Variants in ANKRD44 observed in about 807,000 individuals in gnomAD.
The protein encoded by ANKRD44 is serine/threonine-protein phosphatase 6 regulatory ankyrin repeat subunit B.
In ANKRD44, 35 loss-of-function variants were observed where a neutral mutation model predicts 116.0. The observed-to-expected ratio is 0.30, with a 90% CI of 0.23 to 0.40. The LOEUF is 0.40. ANKRD44 is among the 10% of genes least tolerant of loss of function. The pLI, the probability that ANKRD44 is intolerant of heterozygous loss-of-function variation, is 1.00. For missense variants in ANKRD44, 1,014 were observed against 1,242.6 expected (o/e 0.82, Z 2.77); for synonymous variants, 435 against 461.8 (o/e 0.94, Z 0.74).
At chr2:197,291,803 C>A (rs1019116354) in intron 1 of ANKRD44, among the ~76,000 whole-genome samples, 1 of 152,128 alleles carries the variant, frequency 6.6e-6, no homozygotes, top group Non-Finnish European at 1.5e-5. Flanking sequence ...AGGTATTTCT[C>A]CAAATGCTAT....
At chr2:197,178,660 T>C (rs1028380825) in intron 2 of ANKRD44, among the ~76,000 whole-genome samples, 11 of 152,218 alleles carry the variant, frequency 7.2e-5, no homozygotes, top group African/African-American at 2.7e-4. Flanking sequence ...GTTTACTTGA[T>C]TGACAAAGGT....
At position 196,986,841 on chromosome 2, in the gene ANKRD44, T is replaced by C. The variant is rs2075842871; in HGVS notation, c.*2750A>G. On this transcript the variant is annotated 3_prime_UTR_variant, in exon 28 of 28. Transcript: ENST00000282272. ...GTCATTCACTGAACTAAAAGTCATT[T>C]TCCCCATTTTTACAGTCATGACATT... is the stretch of plus-strand genomic sequence containing the variant. 1 of 985,342 alleles carries C rather than the reference T, an allele frequency of 1.0e-6. No homozygotes were observed. The highest frequency in any genetic ancestry group is 6.1e-5 in the Admixed American group (1 of 16,272). 61.0% of individuals were successfully genotyped at this position (985,342 alleles called of 1,614,324 possible). A position where few individuals can be genotyped will look rare whatever the true frequency, so the allele number is the denominator to read the frequency against.
chr2:197,204,771 A>G (rs1306889882), intron 1 of ANKRD44, among the ~76,000 whole-genome samples: 2 of 152,258 alleles, frequency 1.3e-5, no homozygotes, highest in Non-Finnish European at 2.9e-5. Context: ...AAGAACAGGA[A>G]TGTTTAGGCT....
chr2:197,050,672 C>A (rs781601023), intron 16 of ANKRD44, among the ~76,000 whole-genome samples: 2 of 152,134 alleles, frequency 1.3e-5, no homozygotes, highest in Non-Finnish European at 2.9e-5. Context: ...ATCCACCCAC[C>A]TTGGCCTCCC....
At chr2:197,292,085 T>C (rs939936259) in intron 1 of ANKRD44, among the ~76,000 whole-genome samples, 7 of 152,250 alleles carry the variant, frequency 4.6e-5, no homozygotes, top group Non-Finnish European at 1.0e-4. Context: ...TGATGGACAT[T>C]TGAATTGGTT....
At chr2:196,970,842 C>T (rs750698486) in intron 21 of ANKRD44, among the ~76,000 whole-genome samples, 2 of 152,154 alleles carry the variant, frequency 1.3e-5, no homozygotes, top group Non-Finnish European at 2.9e-5. Flanking sequence ...GCTGGGACTA[C>T]AGGCATATGC....
At chr2:197,009,323 C>G (rs1050118714) in intron 18 of ANKRD44, among the ~76,000 whole-genome samples, 1 of 151,698 alleles carries the variant, frequency 6.6e-6, no homozygotes, top group African/African-American at 2.4e-5. Context: ...AATTCCTAGC[C>G]CCAGGTGATC....
chr2:196,981,890 ACT>A (rs1445333053), downstream of ANKRD44, among the ~76,000 whole-genome samples: 7 of 151,734 alleles, frequency 4.6e-5, no homozygotes, highest in Non-Finnish European at 7.4e-5. Context: ...AATAGAAATC[ACT>A]GACACTCCTT....
chr2:197,112,826 C>A (rs2078621393), intron 8 of ANKRD44, among the ~76,000 whole-genome samples: 1 of 151,678 alleles, frequency 6.6e-6, no homozygotes, highest in African/African-American at 2.4e-5. Flanking sequence ...ATTTTTAACC[C>A]CTGCTTTGGA....
In ANKRD44 at chr2:196,988,949, G is replaced by A. The variant is rs2125872140; in HGVS notation, c.*642C>T. 1 of 985,366 alleles carries A rather than the reference G, an allele frequency of 1.0e-6. No homozygotes were observed. Among genetic ancestry groups the A allele is most frequent in the Non-Finnish European group, 1.2e-6 (1 of 829,942 alleles). 61.0% of individuals were successfully genotyped at this position (985,366 alleles called of 1,614,324 possible). On this transcript the variant is annotated 3_prime_UTR_variant, in exon 28 of 28. Transcript: ENST00000282272. ...CATCTGAGTTTTCATCTCGCAGAAG[G>A]GCATCCAGACTGCAATGTCTTCTAA...
rs577658605 is a variant in ANKRD44 at position 197,062,686 on chromosome 2, C to T, written c.1650+16017G>A. Reference sequence around the variant, plus strand: ...AGGAGATTATATCCTGCACCTGGCTCAGAAGACCCCATGCCCACAAAGCCT... The same window carrying T: ...AGGAGATTATATCCTGCACCTGGCTTAGAAGACCCCATGCCCACAAAGCCT... On this transcript the variant is annotated intron_variant, in intron 16 of 27. Transcript: ENST00000282272. Among the ~76,000 whole-genome samples, 5 of 152,344 alleles carry T rather than the reference C, an allele frequency of 3.3e-5. No individual in the cohort carries two copies. The South Asian group carries it at 6.2e-4, about 19-fold the overall frequency.
In ANKRD44 at chr2:197,005,919, T is replaced by C; in HGVS notation, c.2131-9A>G. On this transcript the variant is annotated splice_polypyrimidine_tract_variant and intron_variant, in intron 20 of 27. Transcript: ENST00000282272. Reference sequence around the variant, plus strand: ...TCGTGTCCTGTCATAATCTGATGCATTGTAATTAAAAACACAAAACAAACC... The same window carrying C: ...TCGTGTCCTGTCATAATCTGATGCACTGTAATTAAAAACACAAAACAAACC... 1.2e-6 allele frequency: 2 copies of C among 1,613,664 alleles called. No homozygotes were observed. Among genetic ancestry groups the C allele is most frequent in the Non-Finnish European group, 1.7e-6 (2 of 1,179,602 alleles).
intron 1 of ANKRD44, among the ~76,000 whole-genome samples, chr2:197,255,749 G>A (rs900547955): frequency 1.3e-5 from 2 of 152,176 alleles, no homozygotes; most frequent in African/African-American, 2.4e-5. Flanking sequence ...GCTACACAGC[G>A]GCCAGGACAA....
intron 17 of ANKRD44, among the ~76,000 whole-genome samples, chr2:197,018,286 C>T (rs4850746): frequency 0.013 from 1,980 of 152,244 alleles, 48 homozygotes; most frequent in Admixed American, 0.054. Context: ...CTTTCCATGA[C>T]CAATCAGGCC....
intron 9 of ANKRD44, among the ~76,000 whole-genome samples, chr2:197,106,017 T>C (rs1159561567): frequency 2.0e-5 from 3 of 152,188 alleles, no homozygotes; most frequent in Non-Finnish European, 1.5e-5. Flanking sequence ...CAGTCTCAAA[T>C]ATGCCAAAAA....
chr2:197,160,065 C>T (rs1388260454), intron 2 of ANKRD44, among the ~76,000 whole-genome samples: 1 of 152,002 alleles, frequency 6.6e-6, no homozygotes, highest in Non-Finnish European at 1.5e-5. Flanking sequence ...CACATACACA[C>T]ATGCACACGC....
chr2:197,281,342 C>G (rs1456705793), intron 1 of ANKRD44, among the ~76,000 whole-genome samples: 1 of 152,078 alleles, frequency 6.6e-6, no homozygotes, highest in Non-Finnish European at 1.5e-5. Context: ...CCTCCATCCC[C>G]CACCCCCCAT....
At chr2:197,085,600 C>CA (rs2077902002) in intron 13 of ANKRD44, among the ~76,000 whole-genome samples, 1 of 152,176 alleles carries the variant, frequency 6.6e-6, no homozygotes, top group African/African-American at 2.4e-5. Flanking sequence ...CTCACTGCTA[C>CA]ACTCCCACCA....
chr2:197,156,991 G>A (rs4850768), intron 2 of ANKRD44, among the ~76,000 whole-genome samples: 95,764 of 152,100 alleles, frequency 0.63, 33,965 homozygotes, highest in East Asian at 0.95. Flanking sequence ...AGGGGAACAA[G>A]GAAGCTTTTG....
Sources: gnomAD v4.1 joint callset for allele counts (sites outside exome capture counted in the v4.1 genomes callset) on GRCh38, gnomAD v4.1.1 for gene constraint, MANE v1.5 for transcripts, NCBI Gene and HGNC (gene_info 2026-07-23, HGNC 2026-07-21) for gene names.